The following ATP2B2 variants were observed in gnomAD, a reference collection of about 807,000 sequenced individuals.
The protein encoded by ATP2B2 is ATPase plasma membrane Ca2+ transporting 2, also known as plasma membrane calcium-transporting ATPase 2.
A neutral mutation model predicts 120.0 loss-of-function variants in ATP2B2; 15 were observed. That is an observed-to-expected ratio of 0.12 (90% CI 0.08 to 0.19). The LOEUF is 0.19. Among genes scored for constraint, ATP2B2 ranks in the 10% least tolerant of loss-of-function variants. ATP2B2 has a pLI of 1.00. For missense variants in ATP2B2, 1,045 were observed against 1,719.8 expected, an observed-to-expected ratio of 0.61 and a Z score of 6.94; for synonymous variants, 694 against 700.3, an observed-to-expected ratio of 0.99 and a Z score of 0.14.
At chr3:10,562,682 A>G (rs2067929276) in intron 2 of ATP2B2, among the ~76,000 whole-genome samples, 1 of 152,190 alleles carries the variant, frequency 6.6e-6, no homozygotes, top group Admixed American at 6.5e-5. Flanking sequence ...TGATCATTGA[A>G]TTGGTAGCAG....
chr3:10,618,853 C>T (rs533717157), intron 2 of ATP2B2, among the ~76,000 whole-genome samples: 2 of 152,266 alleles, frequency 1.3e-5, no homozygotes, highest in African/African-American at 4.8e-5. Flanking sequence ...TAGAAGTAAC[C>T]ACAGCTAACC....
In ATP2B2 at chr3:10,683,746, A is replaced by ATTG. The variant is rs1408104149; in HGVS notation, c.-460+24168_-460+24169insCAA. Among the ~76,000 whole-genome samples, 13 of 40,846 alleles carry ATTG rather than the reference A, an allele frequency of 3.2e-4. No individual in the cohort carries two copies. In the South Asian group the frequency reaches 3.7e-3, roughly 11 times the overall value. 26.8% of individuals were successfully genotyped at this position (40,846 alleles called of 152,430 possible). The stretch of plus-strand genomic sequence containing the variant: ...TGTGTGTGTATATATATGTGTATAT[A>ATTG]TATGTGTGTGTGTGTATATATATAT... On this transcript the variant is annotated intron_variant, in intron 1 of 21. Coordinates refer to the ATP2B2 transcript ENST00000646379.
intron 2 of ATP2B2, among the ~76,000 whole-genome samples, chr3:10,556,650 C>T (rs143229488): frequency 3.3e-5 from 5 of 152,262 alleles, no homozygotes; most frequent in African/African-American, 9.6e-5. Flanking sequence ...GTGTGCCTGG[C>T]GTGTTTGAGA....
At chr3:10,439,856 A>AGTGATTCTTGTGCCAC (rs1247397999) in intron 2 of ATP2B2, among the ~76,000 whole-genome samples, 1 of 151,826 alleles carries the variant, frequency 6.6e-6, no homozygotes, top group Non-Finnish European at 1.5e-5. Flanking sequence ...CCCGGGTTCA[A>AGTGATTCTTGTGCCAC]GTGATTCTTG....
intron 1 of ATP2B2, among the ~76,000 whole-genome samples, chr3:10,643,776 A>T (rs1054684171): frequency 6.6e-6 from 1 of 152,204 alleles, no homozygotes; most frequent in Non-Finnish European, 1.5e-5. Context: ...ATGACAACCA[A>T]ATGCAGTATC....
chr3:10,437,997 A>G (rs1050825938), intron 2 of ATP2B2, among the ~76,000 whole-genome samples: 1 of 152,068 alleles, frequency 6.6e-6, no homozygotes, highest in African/African-American at 2.4e-5. Flanking sequence ...TAAGCCACTC[A>G]GTCTGTGGTC....
At chr3:10,611,283 T>C (rs2069230453) in intron 2 of ATP2B2, among the ~76,000 whole-genome samples, 1 of 152,156 alleles carries the variant, frequency 6.6e-6, no homozygotes, top group Non-Finnish European at 1.5e-5. Flanking sequence ...TCTGACCCTG[T>C]TTAAAGACAA....
In ATP2B2 at chr3:10,593,133, C is replaced by T. The variant is rs188913140; in HGVS notation, c.-415+26784G>A. Among the ~76,000 whole-genome samples, 806 of 152,250 alleles carry T rather than the reference C, an allele frequency of 5.3e-3. 9 individuals carry two copies. The highest frequency in any genetic ancestry group is 0.041 in the South Asian group (197 of 4,822). Reference sequence around the variant, plus strand: ...GTCTCAGGGAAGCATCATAAACCTGCTATCAGGTTAGAGATGGATTTCAAA... The same window carrying T: ...GTCTCAGGGAAGCATCATAAACCTGTTATCAGGTTAGAGATGGATTTCAAA... On this transcript the variant is annotated intron_variant, in intron 2 of 21. Coordinates refer to the ATP2B2 transcript ENST00000646379.
intron 1 of ATP2B2, among the ~76,000 whole-genome samples, chr3:10,504,232 T>A (rs1245002871): frequency 6.6e-6 from 1 of 151,490 alleles, no homozygotes; most frequent in Non-Finnish European, 1.5e-5. Flanking sequence ...TCAACGAAGT[T>A]AACAGGCGGA....
chr3:10,329,813 G>A lies in ATP2B2; in HGVS notation c.3421-688C>T, dbSNP rs977158055. 6.6e-6 allele frequency among the ~76,000 whole-genome samples: 1 copy of A among 152,174 alleles called. No individual in the cohort carries two copies. Among genetic ancestry groups the A allele is most frequent in the Non-Finnish European group, 1.5e-5 (1 of 68,038 alleles). ...GCTGGCGGACAGATGACATTCGGGG[G>A]CGGGCTGCATGCCACGGGGAGGCCG... On this transcript the variant is annotated intron_variant, in intron 22 of 22. Coordinates refer to ENST00000360273, the MANE Select transcript of ATP2B2 (RefSeq NM_001001331.4). This position sits in a 1 kb window ranked among gnomAD's most constrained non-coding sequence, Gnocchi z 5.9.
At chr3:10,387,960 A>C in intron 6 of ATP2B2, 1 of 389,112 alleles carries the variant, frequency 2.6e-6, no homozygotes, top group Non-Finnish European at 4.9e-6. Context: ...TGATGATGGG[A>C]CCAATTGATG....
intron 2 of ATP2B2, among the ~76,000 whole-genome samples, chr3:10,609,853 T>A (rs2125606087): frequency 6.6e-6 from 1 of 152,180 alleles, no homozygotes; most frequent in East Asian, 1.9e-4. Context: ...GTGGGCTGTT[T>A]GGCCTGGCAC....
chr3:10,447,794 C>G (rs1427398786), intron 2 of ATP2B2, among the ~76,000 whole-genome samples: 1 of 152,166 alleles, frequency 6.6e-6, no homozygotes, highest in East Asian at 1.9e-4. Flanking sequence ...AAGCCTCGTG[C>G]CAGAATCACA....
intron 1 of ATP2B2, among the ~76,000 whole-genome samples, chr3:10,636,553 G>C (rs773818617): frequency 5.1e-4 from 78 of 152,178 alleles, no homozygotes; most frequent in Middle Eastern, 3.2e-3. Flanking sequence ...AGGAGCGACA[G>C]AGACCAGATT....
intron 1 of ATP2B2, among the ~76,000 whole-genome samples, chr3:10,457,236 G>C (rs17787095): frequency 0.24 from 35,705 of 151,794 alleles, 5,429 homozygotes; most frequent in Non-Finnish European, 0.34. Flanking sequence ...AGGGTGTATG[G>C]GCGTACAAGG....
chr3:10,670,266 GCT>G (rs914152529), intron 1 of ATP2B2, among the ~76,000 whole-genome samples: 1 of 152,158 alleles, frequency 6.6e-6, no homozygotes, highest in Non-Finnish European at 1.5e-5. Context: ...TCGCCAGGCG[GCT>G]CTCTCTCTGA....
At chr3:10,490,118 G>C (rs555600061) in intron 1 of ATP2B2, among the ~76,000 whole-genome samples, 24 of 152,222 alleles carry the variant, frequency 1.6e-4, no homozygotes, top group Non-Finnish European at 3.1e-4. Context: ...CAACAGGCCA[G>C]GGCTTCCCCT....
chr3:10,514,639 G>A (rs1215067325), intron 3 of ATP2B2, among the ~76,000 whole-genome samples: 1 of 152,200 alleles, frequency 6.6e-6, no homozygotes, highest in Non-Finnish European at 1.5e-5. Flanking sequence ...AGGGCTTGGA[G>A]GCAAGTGCTC....
At position 10,347,873 on chromosome 3, in the gene ATP2B2, T is replaced by C. The variant is rs2060473179; in HGVS notation, c.2405-1736A>G. On this transcript the variant is annotated intron_variant, in intron 16 of 22. Transcript: ENST00000360273. This position sits in a 1 kb window ranked among gnomAD's most constrained non-coding sequence, Gnocchi z 5.2. ...GGGGCCTCCCTGTGGCTGCTTCCTATGGTCACATTTCTGTTCTGTCCCCGC... is the reference window on the plus strand; with the variant it reads ...GGGGCCTCCCTGTGGCTGCTTCCTACGGTCACATTTCTGTTCTGTCCCCGC... 6.6e-6 allele frequency among the ~76,000 whole-genome samples: 1 copy of C among 152,160 alleles called. No individual in the cohort carries two copies. Among genetic ancestry groups the C allele is most frequent in the South Asian group, 2.1e-4 (1 of 4,832 alleles).
Sources: allele counts gnomAD v4.1 joint callset (sites outside exome capture counted in the v4.1 genomes callset), GRCh38; gene constraint gnomAD v4.1.1; non-coding constraint Gnocchi (gnomAD v3.1); transcripts MANE v1.5; gene names NCBI Gene and HGNC (gene_info 2026-07-23, HGNC 2026-07-21).